The following RGS9BP variants were observed in gnomAD, a reference collection of about 807,000 sequenced individuals.
RGS9BP encodes regulator of G protein signaling 9 binding protein.
Under a neutral mutation model 3.8 loss-of-function variants are expected in RGS9BP, and 1 was observed. That is an observed-to-expected ratio of 0.26 (90% CI 0.09 to 1.24). The LOEUF (loss-of-function observed/expected upper bound fraction) is 1.24. RGS9BP is among the 50% of genes most tolerant of loss of function. RGS9BP has a pLI of 0.48. For missense variants in RGS9BP, 363 were observed against 344.3 expected (o/e 1.05, Z -0.43); for synonymous variants, 200 against 177.8 (o/e 1.13, Z -1.00).
Position 32,677,699 on chromosome 19 carries a change from G to A in RGS9BP, c.*728G>A, listed in dbSNP as rs10411566. The A allele has an allele frequency of 0.095, 15,857 of 167,114 alleles. 1,467 individuals carry two copies. The highest frequency in any genetic ancestry group is 0.25 in the African/African-American group (10,188 of 41,498). The allele number at this position is 167,114 out of a possible 1,614,324, so 10.4% of individuals were successfully genotyped here. A position where few individuals can be genotyped will look rare whatever the true frequency, so the allele number is the denominator to read the frequency against. ...ACTCTCACGGACTTGGATCCAGTGCGCACACTTGCCTGCGGAAAAGGGCTC... is the reference window on the plus strand; with the variant it reads ...ACTCTCACGGACTTGGATCCAGTGCACACACTTGCCTGCGGAAAAGGGCTC... On this transcript the variant is annotated 3_prime_UTR_variant, in exon 1 of 1. Transcript: ENST00000334176.
At position 32,675,924 on chromosome 19, in the gene RGS9BP, C is replaced by G. The variant is rs192272698; in HGVS notation, c.-340C>G. ...CTGCTTGCCCCGGAGTTGGCACCCA[C>G]GGAGGATGGGGACCGCACCCTCAGC... On this transcript the variant is annotated 5_prime_UTR_variant, in exon 1 of 1. Transcript: ENST00000334176. The G allele has an allele frequency of 3.3e-4, 79 of 242,368 alleles. No homozygotes were observed. Among genetic ancestry groups the G allele is most frequent in the African/African-American group, 1.7e-3 (77 of 44,334 alleles). The allele number at this position is 242,368 out of a possible 1,614,324, so 15.0% of individuals were successfully genotyped here. A position where few individuals can be genotyped will look rare whatever the true frequency, so the allele number is the denominator to read the frequency against.
rs1599786818 is a variant in RGS9BP, at chr19:32,676,595, C to G, written c.332C>G (p.Pro111Arg). 5 of 1,422,490 alleles carry G rather than the reference C, an allele frequency of 3.5e-6. No homozygotes were observed. The East Asian group carries it at 8.8e-5, about 25-fold the overall frequency. 88.1% of individuals were successfully genotyped at this position (1,422,490 alleles called of 1,614,324 possible). A position where few individuals can be genotyped will look rare whatever the true frequency, so the allele number is the denominator to read the frequency against. ...AAFPLHAPRR[P>R]LVRTGVAGAS... ...TTCCCGCTGCACGCGCCGCGGCGGC[C>G]GCTGGTGCGCACAGGTGTGGCTGGC... Residue 111 changes from proline to arginine, a missense_variant, in exon 1 of 1, where the codon CCG (proline) becomes CGG (arginine). Pro to Arg is a moderately radical substitution (Grantham distance 103). Coordinates refer to ENST00000334176, the MANE Select transcript of RGS9BP (RefSeq NM_207391.3).
chr19:32,677,887 A>G lies in RGS9BP; in HGVS notation c.*916A>G, dbSNP rs1968036302. 1 of 167,140 alleles carries G rather than the reference A, an allele frequency of 6.0e-6. No homozygotes were observed. Among genetic ancestry groups the G allele is most frequent in the African/African-American group, 2.4e-5 (1 of 41,470 alleles). The allele number at this position is 167,140 out of a possible 1,614,324, so 10.4% of individuals were successfully genotyped here. ...TGCAGGAGGGCTGGGAATCCTCTTT[A>G]GAGCACTTAATCCTATTTATCCCCT... On this transcript the variant is annotated 3_prime_UTR_variant, in exon 1 of 1. Transcript: ENST00000334176.
rs1967996210 is a variant in RGS9BP, at chr19:32,676,295, A to G, written c.32A>G (p.Asp11Gly). The G allele has an allele frequency of 1.2e-6, 2 of 1,601,526 alleles. No individual in the cohort carries two copies. Among genetic ancestry groups the G allele is most frequent in the Non-Finnish European group, 1.7e-6 (2 of 1,172,202 alleles). ...AGGGAGGAGTGCAAGGCGCTGCTGG[A>G]CGGGCTCAACAAGACGACTGCGTGC... MAREECKALL[D>G]GLNKTTACYH... is the part of the protein sequence containing the mutation. The change falls in exon 1 of 1, where the codon GAC becomes GGC. Residue 11 changes from aspartate to glycine, a missense_variant. Coordinates refer to ENST00000334176, the MANE Select transcript of RGS9BP (RefSeq NM_207391.3).
Position 32,677,255 on chromosome 19 carries a change from G to A in RGS9BP, c.*284G>A, listed in dbSNP as rs1009123887. 1 of 487,174 alleles carries A rather than the reference G, an allele frequency of 2.1e-6. No individual in the cohort carries two copies. 30.2% of individuals were successfully genotyped at this position (487,174 alleles called of 1,614,324 possible). A position where few individuals can be genotyped will look rare whatever the true frequency, so the allele number is the denominator to read the frequency against. On this transcript the variant is annotated 3_prime_UTR_variant, in exon 1 of 1. Coordinates refer to ENST00000334176, the MANE Select transcript of RGS9BP (RefSeq NM_207391.3). ...TCACAGTGACCCTAGATCCCTCCGAGTTAATGAGTTAACACATGTGCTGTT... is the reference window on the plus strand; with the variant it reads ...TCACAGTGACCCTAGATCCCTCCGAATTAATGAGTTAACACATGTGCTGTT...
In RGS9BP at chr19:32,676,801, G is replaced by A. The variant is rs774682328; in HGVS notation, c.538G>A (p.Ala180Thr). 1.3e-6 allele frequency: 2 copies of A among 1,585,604 alleles called. No individual in the cohort carries two copies. Among genetic ancestry groups the A allele is most frequent in the South Asian group, 1.1e-5 (1 of 89,228 alleles). The change falls in exon 1 of 1, where the codon GCG (alanine) becomes ACG (threonine). Residue 180 changes from alanine to threonine, a missense_variant. By Grantham distance (58) the Ala-to-Thr change is moderately conservative. Transcript: ENST00000334176. Reference sequence around the variant, plus strand: ...CCGCTGGACCGTGCAAGCCCGGCAGGCGGCGGGCGCCGAGCTCCTGTCCAC... The same window carrying A: ...CCGCTGGACCGTGCAAGCCCGGCAGACGGCGGGCGCCGAGCTCCTGTCCAC... Reference protein sequence around the residue: ...VPRWTVQARQAAGAELLSTVS... With the variant: ...VPRWTVQARQTAGAELLSTVS...
At position 32,676,236 on chromosome 19, in the gene RGS9BP, C is replaced by T; in HGVS notation, c.-28C>T. 3 of 1,523,368 alleles carry T rather than the reference C, an allele frequency of 2.0e-6. No homozygotes were observed. The highest frequency in any genetic ancestry group is 1.8e-6 in the Non-Finnish European group (2 of 1,120,936). The allele number at this position is 1,523,368 out of a possible 1,614,324, so 94.4% of individuals were successfully genotyped here. On this transcript the variant is annotated 5_prime_UTR_variant, in exon 1 of 1. Transcript: ENST00000334176. The stretch of plus-strand genomic sequence containing the variant: ...TGAGGGGGAGGCTAACGGGCGCGGG[C>T]GGCCGGGCCCAGCCGGAGCCCACCG...
chr19:32,676,587 G>A lies in RGS9BP; in HGVS notation c.324G>A (p.Pro108=). Residue 108 remains proline, a synonymous_variant, in exon 1 of 1, where the codon CCG becomes CCA. Coordinates refer to ENST00000334176, the MANE Select transcript of RGS9BP (RefSeq NM_207391.3). ...GCGCCGCGTTCCCGCTGCACGCGCC[G>A]CGGCGGCCGCTGGTGCGCACAGGTG... ...ELGAAFPLHA[P]RRPLVRTGVA... The A allele has an allele frequency of 7.1e-7, 1 of 1,402,102 alleles. No homozygotes were observed. The highest frequency in any genetic ancestry group is 1.6e-5 in the South Asian group (1 of 62,210). The allele number at this position is 1,402,102 out of a possible 1,614,324, so 86.9% of individuals were successfully genotyped here. A position where few individuals can be genotyped will look rare whatever the true frequency, so the allele number is the denominator to read the frequency against.
rs1568425962 is a variant in RGS9BP, at chr19:32,676,066, C to T, written c.-198C>T. 1 of 533,886 alleles carries T rather than the reference C, an allele frequency of 1.9e-6. No individual in the cohort carries two copies. 33.1% of individuals were successfully genotyped at this position (533,886 alleles called of 1,614,324 possible). ...GACCGCTAACGGGGCTCCCTCTGCG[C>T]GCCCCGTCCGCAGAGGCGCACGTCG... On this transcript the variant is annotated 5_prime_UTR_variant, in exon 1 of 1. Transcript: ENST00000334176.
In RGS9BP at chr19:32,677,715, A is replaced by G. The variant is rs1271071743; in HGVS notation, c.*744A>G. 3 of 167,120 alleles carry G rather than the reference A, an allele frequency of 1.8e-5. No homozygotes were observed. The highest frequency in any genetic ancestry group is 7.2e-5 in the African/African-American group (3 of 41,448). 10.4% of individuals were successfully genotyped at this position (167,120 alleles called of 1,614,324 possible). A position where few individuals can be genotyped will look rare whatever the true frequency, so the allele number is the denominator to read the frequency against. On this transcript the variant is annotated 3_prime_UTR_variant, in exon 1 of 1. Coordinates refer to ENST00000334176, the MANE Select transcript of RGS9BP (RefSeq NM_207391.3). ...ATCCAGTGCGCACACTTGCCTGCGG[A>G]AAAGGGCTCTCCCCAGCCACCCGGA...
chr19:32,676,238 G>A lies in RGS9BP; in HGVS notation c.-26G>A. 2.6e-6 allele frequency: 4 copies of A among 1,538,326 alleles called. No individual in the cohort carries two copies. Among genetic ancestry groups the A allele is most frequent in the Non-Finnish European group, 1.8e-6 (2 of 1,132,742 alleles). ...AGGGGGAGGCTAACGGGCGCGGGCG[G>A]CCGGGCCCAGCCGGAGCCCACCGCG... On this transcript the variant is annotated 5_prime_UTR_variant, in exon 1 of 1. Transcript: ENST00000334176.
In RGS9BP at chr19:32,675,867, A is replaced by C. The variant is rs550309031; in HGVS notation, c.-397A>C. 9 of 172,594 alleles carry C rather than the reference A, an allele frequency of 5.2e-5. No homozygotes were observed. The highest frequency in any genetic ancestry group is 1.9e-4 in the African/African-American group (8 of 42,368). 10.7% of individuals were successfully genotyped at this position (172,594 alleles called of 1,614,324 possible). ...GAAACCCTACCCGGCCGCCCTTGGC[A>C]GCGCCTAAGGCGGAGCGCGCGGCTC... On this transcript the variant is annotated 5_prime_UTR_variant, in exon 1 of 1. Coordinates refer to ENST00000334176, the MANE Select transcript of RGS9BP (RefSeq NM_207391.3).
chr19:32,676,359 C>G lies in RGS9BP; in HGVS notation c.96C>G (p.Asp32Glu), dbSNP rs201148742. Residue 32 changes from aspartate to glutamate, a missense_variant, in exon 1 of 1, where the codon GAC (aspartate) becomes GAG (glutamate). Physicochemically the swap from Asp to Glu is conservative, Grantham distance 45 (BLOSUM62 2). Transcript: ENST00000334176. The part of the protein sequence containing the change: ...HLVLTVGGSA[D>E]SQNLRQELQK... ...TGCTGACCGTCGGTGGCTCGGCGGA[C>G]TCGCAGAACCTGCGGCAGGAGCTGC... 51 of 1,611,564 alleles carry G rather than the reference C, an allele frequency of 3.2e-5. No homozygotes were observed. The East Asian group carries it at 8.9e-4, about 28-fold the overall frequency.
chr19:32,676,690 G>A lies in RGS9BP; in HGVS notation c.427G>A (p.Asp143Asn). ...GCGGCTCGAGGCGGAGGGCGACTTC[G>A]ACGTCGCGGACCTGCGGGAGCTGGA... ...SLRLEAEGDFDVADLRELERE... is the reference protein window; with the variant it reads ...SLRLEAEGDFNVADLRELERE... The change falls in exon 1 of 1, where the codon GAC (aspartate) becomes AAC (asparagine). Residue 143 changes from aspartate (D) to asparagine (N), a missense_variant. Coordinates refer to ENST00000334176, the MANE Select transcript of RGS9BP (RefSeq NM_207391.3). 2 of 1,536,452 alleles carry A rather than the reference G, an allele frequency of 1.3e-6. No individual in the cohort carries two copies. Among genetic ancestry groups the A allele is most frequent in the Non-Finnish European group, 1.7e-6 (2 of 1,147,232 alleles).
Position 32,675,899 on chromosome 19 carries a change from C to T in RGS9BP, c.-365C>T, listed in dbSNP as rs1967985513. Reference sequence around the variant, plus strand: ...AAGGCGGAGCGCGCGGCTCTGCAGCCTGCTTGCCCCGGAGTTGGCACCCAC... The same window carrying T: ...AAGGCGGAGCGCGCGGCTCTGCAGCTTGCTTGCCCCGGAGTTGGCACCCAC... On this transcript the variant is annotated 5_prime_UTR_variant, in exon 1 of 1. Coordinates refer to ENST00000334176, the MANE Select transcript of RGS9BP (RefSeq NM_207391.3). The T allele has an allele frequency of 9.7e-6, 2 of 207,228 alleles. No homozygotes were observed. The highest frequency in any genetic ancestry group is 1.9e-5 in the Non-Finnish European group (2 of 103,650). The allele number at this position is 207,228 out of a possible 1,614,324, so 12.8% of individuals were successfully genotyped here.
Position 32,676,916 on chromosome 19 carries a change from G to A in RGS9BP, c.653G>A (p.Gly218Asp). The change falls in exon 1 of 1, where the codon GGC becomes GAC. Residue 218 changes from glycine to aspartate, a missense_variant. Gly to Asp is a moderately conservative substitution (Grantham distance 94, BLOSUM62 -1). Transcript: ENST00000334176. The part of the protein sequence containing the change: ...PRKALAAILF[G>D]AVLLAAVALA... ...AAGGCCCTGGCCGCCATCCTTTTCG[G>A]CGCCGTGCTGCTGGCGGCTGTGGCC... 6 of 1,601,632 alleles carry A rather than the reference G, an allele frequency of 3.7e-6. No individual in the cohort carries two copies. Among genetic ancestry groups the A allele is most frequent in the African/African-American group, 1.3e-5 (1 of 74,970 alleles).
In RGS9BP at chr19:32,676,454, A is replaced by T. The variant is rs1447911984; in HGVS notation, c.191A>T (p.Asp64Val). The change falls in exon 1 of 1, where the codon GAC becomes GTC. Residue 64 changes from aspartate to valine, a missense_variant. Asp to Val is a radical substitution (Grantham distance 152). Transcript: ENST00000334176. ...TCARLTAVLRDRGLAADERAE... is the reference protein window; with the variant it reads ...TCARLTAVLRVRGLAADERAE... ...GCCCGGCTGACTGCTGTGCTGCGCG[A>T]CCGGGGCCTGGCCGCCGACGAGCGC... The T allele has an allele frequency of 1.9e-6, 3 of 1,577,674 alleles. No individual in the cohort carries two copies. The highest frequency in any genetic ancestry group is 2.6e-6 in the Non-Finnish European group (3 of 1,168,130).
chr19:32,676,957 G>A lies in RGS9BP; in HGVS notation c.694G>A (p.Ala232Thr). Residue 232 changes from alanine to threonine, a missense_variant, in exon 1 of 1, where the codon GCG becomes ACG. Transcript: ENST00000334176. ...LAAVALAVCV[A>T]KLS ...GGCTGTGGCCCTAGCCGTGTGCGTG[G>A]CGAAGCTGAGCTGACGGACACCCGA... 1 of 1,603,144 alleles carries A rather than the reference G, an allele frequency of 6.2e-7. No homozygotes were observed. Among genetic ancestry groups the A allele is most frequent in the Non-Finnish European group, 8.5e-7 (1 of 1,177,978 alleles).
rs1194280052 is a variant in RGS9BP, at chr19:32,677,783, C to T, written c.*812C>T. On this transcript the variant is annotated 3_prime_UTR_variant, in exon 1 of 1. Coordinates refer to ENST00000334176, the MANE Select transcript of RGS9BP (RefSeq NM_207391.3). ...GAGCAGAGGCTTGGGGTAGGGCCAC[C>T]TGGTGTTTAAACAGGCACTTTCTCC... 1 of 167,194 alleles carries T rather than the reference C, an allele frequency of 6.0e-6. No individual in the cohort carries two copies. The highest frequency in any genetic ancestry group is 2.4e-5 in the African/African-American group (1 of 41,460). 10.4% of individuals were successfully genotyped at this position (167,194 alleles called of 1,614,324 possible). A position where few individuals can be genotyped will look rare whatever the true frequency, so the allele number is the denominator to read the frequency against.
Sources: allele counts gnomAD v4.1 joint callset, GRCh38; gene constraint gnomAD v4.1.1; transcripts MANE v1.5; gene names NCBI Gene and HGNC (gene_info 2026-07-23, HGNC 2026-07-21).